The following SLC14A2 variants were observed in gnomAD, a reference collection of about 807,000 sequenced individuals.
SLC14A2 encodes urea transporter 2.
Under a neutral mutation model 104.6 loss-of-function variants are expected in SLC14A2, and 91 were observed. The observed-to-expected ratio is 0.87, with a 90% CI of 0.73 to 1.04. The LOEUF (loss-of-function observed/expected upper bound fraction) is 1.04, where lower values mean the gene tolerates loss of function less well. Among genes scored for constraint, SLC14A2 ranks in the 50% least tolerant of loss-of-function variants. The pLI, the probability that SLC14A2 is intolerant of heterozygous loss-of-function variation, is 0.00. For missense variants in SLC14A2, 1,189 were observed against 1,156.0 expected, an observed-to-expected ratio of 1.03 and a Z score of -0.41; for synonymous variants, 476 against 466.4, an observed-to-expected ratio of 1.02 and a Z score of -0.27.
At chr18:45,494,545 A>G (rs1009447998) in intron 2 of SLC14A2, among the ~76,000 whole-genome samples, 3 of 151,994 alleles carry the variant, frequency 2.0e-5, no homozygotes, top group Non-Finnish European at 4.4e-5. Flanking sequence ...TCACAGGCAC[A>G]TGCCACCATG....
chr18:45,557,268 C>T lies in SLC14A2; in HGVS notation c.-34-67363C>T, dbSNP rs138437220. Among the ~76,000 whole-genome samples, 169 of 152,318 alleles carry T rather than the reference C, an allele frequency of 1.1e-3. 1 individual carries two copies. The highest frequency in any genetic ancestry group is 4.0e-3 in the African/African-American group (168 of 41,570). On this transcript the variant is annotated intron_variant, in intron 2 of 20. Coordinates refer to the SLC14A2 transcript ENST00000586448. ...ACCCCATCATCTCATGCCATGCTAC[C>T]TGTTTCCCATTCTCTAACTGTTTCT...
intron 1 of SLC14A2, among the ~76,000 whole-genome samples, chr18:45,250,812 T>C (rs1367388895): frequency 6.8e-6 from 1 of 147,452 alleles, no homozygotes; most frequent in Non-Finnish European, 1.5e-5. Context: ...AAGAAGGTTA[T>C]CTTTATAGGA....
rs1455432113 is a variant in SLC14A2 at position 45,667,070 on chromosome 18, A to C, written c.1693A>C (p.Lys565Gln). The C allele has an allele frequency of 6.2e-7, 1 of 1,613,744 alleles. No individual in the cohort carries two copies. Among genetic ancestry groups the C allele is most frequent in the Admixed American group, 1.7e-5 (1 of 60,010 alleles). Reference protein sequence around the residue: ...KALSYITGEMKECGEGLKDKS... With the variant: ...KALSYITGEMQECGEGLKDKS... ...CCTCAGCTACATCACAGGAGAGATG[A>C]AGGAGTGTGGAGAGGGACTTAAAGG... The change falls in exon 13 of 20, where the codon AAG (lysine) becomes CAG (glutamine). Residue 565 changes from lysine to glutamine, a missense_variant. By Grantham distance (53) the Lys-to-Gln change is moderately conservative. Coordinates refer to ENST00000255226, the MANE Select transcript of SLC14A2 (RefSeq NM_007163.4).
intron 1 of SLC14A2, among the ~76,000 whole-genome samples, chr18:45,447,917 T>C (rs2086796101): frequency 6.6e-6 from 1 of 152,262 alleles, no homozygotes. Flanking sequence ...CATTATTTAT[T>C]AAGTGTAATT....
chr18:45,225,266 T>G (rs2084103236), intron 1 of SLC14A2, among the ~76,000 whole-genome samples: 1 of 152,186 alleles, frequency 6.6e-6, no homozygotes, highest in East Asian at 1.9e-4. Flanking sequence ...CCCCATTTCT[T>G]GTTTTTGTCA....
At chr18:45,642,802 C>G (rs1025546928) in intron 8 of SLC14A2, among the ~76,000 whole-genome samples, 2 of 152,244 alleles carry the variant, frequency 1.3e-5, no homozygotes, top group Admixed American at 6.5e-5. Flanking sequence ...ACTAGCTCTT[C>G]GCTACCATCA....
At chr18:45,522,578 G>A (rs1301453807) in intron 2 of SLC14A2, among the ~76,000 whole-genome samples, 3 of 152,068 alleles carry the variant, frequency 2.0e-5, no homozygotes, top group Non-Finnish European at 2.9e-5. Flanking sequence ...GACAGTTCTC[G>A]GGAAACAGGC....
At chr18:45,530,279 G>T (rs1756717981) in intron 2 of SLC14A2, among the ~76,000 whole-genome samples, 1 of 152,174 alleles carries the variant, frequency 6.6e-6, no homozygotes, top group Admixed American at 6.5e-5. Context: ...GATGTTTGTT[G>T]TCAATTCTCC....
chr18:45,355,731 T>G (rs1033288189), intron 1 of SLC14A2, among the ~76,000 whole-genome samples: 1 of 152,110 alleles, frequency 6.6e-6, no homozygotes, highest in African/African-American at 2.4e-5. Flanking sequence ...ACAGAATGTC[T>G]GGATATGAAA....
intron 1 of SLC14A2, among the ~76,000 whole-genome samples, chr18:45,617,708 C>T (rs1308461562): frequency 6.6e-6 from 1 of 152,158 alleles, no homozygotes; most frequent in African/African-American, 2.4e-5. Context: ...CTCATCTGTC[C>T]CCATTCTGGC....
At chr18:45,298,483 A>G (rs928606102) in intron 1 of SLC14A2, among the ~76,000 whole-genome samples, 2 of 152,146 alleles carry the variant, frequency 1.3e-5, no homozygotes, top group Non-Finnish European at 2.9e-5. Flanking sequence ...TTCTGATCAG[A>G]TCATTTCAAC....
chr18:45,190,313 A>T, the SLC14A2 span, among the ~76,000 whole-genome samples: 1 of 152,180 alleles, frequency 6.6e-6, no homozygotes, highest in South Asian at 2.1e-4. Context: ...TTTTCTGGGG[A>T]TAGACAAATA....
At chr18:45,572,309 G>A (rs963281896) in intron 2 of SLC14A2, among the ~76,000 whole-genome samples, 4 of 152,242 alleles carry the variant, frequency 2.6e-5, no homozygotes, top group Admixed American at 6.5e-5. Flanking sequence ...AAATCACCAC[G>A]TAAATATCCT....
chr18:45,185,317 C>T, the SLC14A2 span, among the ~76,000 whole-genome samples: 1 of 152,174 alleles, frequency 6.6e-6, no homozygotes, highest in Non-Finnish European at 1.5e-5. Flanking sequence ...GTCTCTCATG[C>T]TTCATATCCA....
At chr18:45,250,305 C>T (rs1441193580) in intron 1 of SLC14A2, among the ~76,000 whole-genome samples, 1 of 152,180 alleles carries the variant, frequency 6.6e-6, no homozygotes, top group Non-Finnish European at 1.5e-5. Flanking sequence ...AACACACACG[C>T]ATGCACACAT....
intron 2 of SLC14A2, among the ~76,000 whole-genome samples, chr18:45,607,842 G>A (rs2044896434): frequency 6.6e-6 from 1 of 152,134 alleles, no homozygotes; most frequent in African/African-American, 2.4e-5. Context: ...TTACATGACT[G>A]GCAAGTTGAT....
At chr18:45,603,890 T>A (rs530253179) in intron 2 of SLC14A2, among the ~76,000 whole-genome samples, 35 of 152,244 alleles carry the variant, frequency 2.3e-4, no homozygotes, top group African/African-American at 8.2e-4. Context: ...GGTCTAAGAG[T>A]CAGAAGACAT....
chr18:45,613,032 GTT>G (rs71177681), upstream of SLC14A2, among the ~76,000 whole-genome samples: 1 of 151,644 alleles, frequency 6.6e-6, no homozygotes, highest in Non-Finnish European at 1.5e-5. Context: ...GTCTTTGGCA[GTT>G]TTTTTTTGTT....
intron 2 of SLC14A2, among the ~76,000 whole-genome samples, chr18:45,552,621 A>G (rs896158186): frequency 3.3e-4 from 50 of 152,262 alleles, no homozygotes; most frequent in African/African-American, 1.2e-3. Context: ...GTGTGTGGAA[A>G]AACAAAATGG....
Sources: allele counts gnomAD v4.1 joint callset (sites outside exome capture counted in the v4.1 genomes callset), GRCh38; gene constraint gnomAD v4.1.1; transcripts MANE v1.5; gene names NCBI Gene and HGNC (gene_info 2026-07-23, HGNC 2026-07-21).